KHDRBS2: variants seen among roughly 807,000 people sequenced by gnomAD.
KHDRBS2 encodes the protein KH domain-containing, RNA-binding, signal transduction-associated protein 2.
In KHDRBS2, 26 loss-of-function variants were observed where a neutral mutation model predicts 44.3. The observed-to-expected ratio is 0.59, with a 90% CI of 0.43 to 0.81. KHDRBS2 has a LOEUF of 0.81. KHDRBS2 is among the 40% of genes least tolerant of loss of function. KHDRBS2 has a pLI of 0.00. For missense variants in KHDRBS2, 476 were observed against 433.1 expected (o/e 1.10, Z -0.88); for synonymous variants, 194 against 151.1 (o/e 1.28, Z -2.08).
intron 1 of KHDRBS2, among the ~76,000 whole-genome samples, chr6:62,182,529 T>C (rs1361666116): frequency 2.0e-5 from 3 of 151,926 alleles, no homozygotes; most frequent in South Asian, 2.1e-4. Context: ...ATAATGACTA[T>C]GGTATTGGTT....
At chr6:61,603,111 C>T in the KHDRBS2 span, among the ~76,000 whole-genome samples, 3 of 152,156 alleles carry the variant, frequency 2.0e-5, no homozygotes. Context: ...CCACAGCATG[C>T]TTTAAAAGGA....
rs10806586 is a variant in KHDRBS2, at chr6:62,161,086, T to A, written c.219+16099A>T. ...TGTAATCACACAGTATTTCTCCTTT[T>A]ATGAATGGCATAATGTCCTCTTGGT... On this transcript the variant is annotated intron_variant, in intron 2 of 8. Transcript: ENST00000281156. Among the ~76,000 whole-genome samples the A allele has an allele frequency of 3.4e-3, 519 of 152,236 alleles. 1 individual carries two copies. Among genetic ancestry groups the A allele is most frequent in the Non-Finnish European group, 5.7e-3 (385 of 67,978 alleles).
At chr6:62,277,975 G>A (rs553517214) in intron 1 of KHDRBS2, among the ~76,000 whole-genome samples, 13 of 152,202 alleles carry the variant, frequency 8.5e-5, no homozygotes, top group Non-Finnish European at 1.8e-4. Flanking sequence ...AGAAGATGAG[G>A]AAGCCATATA....
intron 6 of KHDRBS2, among the ~76,000 whole-genome samples, chr6:61,818,506 T>C (rs765766166): frequency 4.7e-4 from 71 of 152,052 alleles, no homozygotes; most frequent in Non-Finnish European, 5.6e-4. Context: ...AGGATCCTGG[T>C]CTCTTCATAC....
At chr6:62,168,176 C>G (rs1192589606) in intron 2 of KHDRBS2, among the ~76,000 whole-genome samples, 4 of 152,072 alleles carry the variant, frequency 2.6e-5, no homozygotes, top group Non-Finnish European at 5.9e-5. Context: ...TGAAAACCAG[C>G]ACAGGGGAAT....
intron 6 of KHDRBS2, among the ~76,000 whole-genome samples, chr6:61,890,148 G>T: frequency 6.6e-6 from 1 of 152,222 alleles, no homozygotes; most frequent in South Asian, 2.1e-4. Context: ...CATTTGGTTT[G>T]ATTTGTTCAC....
intron 6 of KHDRBS2, among the ~76,000 whole-genome samples, chr6:61,807,418 C>A (rs1015346930): frequency 7.9e-5 from 12 of 152,068 alleles, no homozygotes; most frequent in African/African-American, 2.4e-4. Context: ...ATGGACTCAA[C>A]CTAAATGTCC....
intron 7 of KHDRBS2, among the ~76,000 whole-genome samples, chr6:61,709,044 C>G (rs750668228): frequency 6.6e-6 from 1 of 151,638 alleles, no homozygotes; most frequent in Non-Finnish European, 1.5e-5. Context: ...GTGATGTCTA[C>G]TTGAAGTATC....
At chr6:62,154,802 A>G (rs1405941038) in intron 2 of KHDRBS2, among the ~76,000 whole-genome samples, 1 of 152,206 alleles carries the variant, frequency 6.6e-6, no homozygotes, top group Non-Finnish European at 1.5e-5. Flanking sequence ...TTACACAATG[A>G]CACCAAAAGC....
At chr6:61,600,951 C>T in the KHDRBS2 span, among the ~76,000 whole-genome samples, 2 of 152,278 alleles carry the variant, frequency 1.3e-5, no homozygotes, top group South Asian at 2.1e-4. Flanking sequence ...AAAACTCCAG[C>T]GCCAGTCATG....
the KHDRBS2 span, among the ~76,000 whole-genome samples, chr6:61,608,227 T>C: frequency 6.6e-6 from 1 of 151,918 alleles, no homozygotes; most frequent in Non-Finnish European, 1.5e-5. Flanking sequence ...ACATTTCTGC[T>C]TGTTTTATAT....
intron 1 of KHDRBS2, among the ~76,000 whole-genome samples, chr6:62,264,638 G>A (rs1838894940): frequency 1.3e-5 from 2 of 151,592 alleles, no homozygotes; most frequent in Admixed American, 1.3e-4. Flanking sequence ...TATTATTATT[G>A]TGACATGCAA....
At chr6:62,220,655 T>C (rs1390622513) in intron 1 of KHDRBS2, among the ~76,000 whole-genome samples, 3 of 151,722 alleles carry the variant, frequency 2.0e-5, no homozygotes, top group Non-Finnish European at 4.4e-5. Context: ...AAATTACATA[T>C]TGTAATTTCT....
rs564892081 is a variant in KHDRBS2 at position 62,166,732 on chromosome 6, C to T, written c.219+10453G>A. On this transcript the variant is annotated intron_variant, in intron 2 of 8. Transcript: ENST00000281156. ...TCAAAATCAATAATAAAATGGAAATCCATTCCATTGATAATGCAATGTCTC... is the reference window on the plus strand; with the variant it reads ...TCAAAATCAATAATAAAATGGAAATTCATTCCATTGATAATGCAATGTCTC... Among the ~76,000 whole-genome samples, 15 of 152,126 alleles carry T rather than the reference C, an allele frequency of 9.9e-5. No individual in the cohort carries two copies. In the East Asian group the frequency reaches 2.7e-3, roughly 27 times the overall value.
At position 62,192,013 on chromosome 6, in the gene KHDRBS2, G is replaced by T. The variant is rs1003538037; in HGVS notation, c.92-14701C>A. ...ATCTCTTGTTACTTATATGTTAATG[G>T]TTAAGTATAATTTGGGTTATATTGT... On this transcript the variant is annotated intron_variant, in intron 1 of 8. Coordinates refer to ENST00000281156, the MANE Select transcript of KHDRBS2 (RefSeq NM_152688.4). 7.2e-5 allele frequency among the ~76,000 whole-genome samples: 11 copies of T among 151,960 alleles called. No homozygotes were observed. In the Middle Eastern group the frequency reaches 0.01, roughly 142 times the overall value.
At chr6:62,255,622 A>G (rs1209014477) in intron 1 of KHDRBS2, among the ~76,000 whole-genome samples, 2 of 101,402 alleles carry the variant, frequency 2.0e-5, no homozygotes, top group Non-Finnish European at 5.3e-5. Context: ...ACACACACAC[A>G]CACACACACA....
intron 1 of KHDRBS2, among the ~76,000 whole-genome samples, chr6:62,255,648 ACACACAC>A (rs1837274504): frequency 7.1e-6 from 1 of 140,116 alleles, no homozygotes; most frequent in Non-Finnish European, 1.6e-5. Context: ...ACACACACAC[ACACACAC>A]AATGTAGAAA....
chr6:62,007,986 A>C (rs1180559681), intron 3 of KHDRBS2, among the ~76,000 whole-genome samples: 1 of 152,164 alleles, frequency 6.6e-6, no homozygotes, highest in Non-Finnish European at 1.5e-5. Flanking sequence ...TAAAGATAAA[A>C]AATGATATAC....
At position 62,106,894 on chromosome 6, in the gene KHDRBS2, A is replaced by C. The variant is rs367679554; in HGVS notation, c.220-58900T>G. On this transcript the variant is annotated intron_variant, in intron 2 of 8. Coordinates refer to ENST00000281156, the MANE Select transcript of KHDRBS2 (RefSeq NM_152688.4). ...AAGGCCTTTGACAAAATTCAACAAC[A>C]CTTCATGCTAAAAACTCTCAATAAA... Among the ~76,000 whole-genome samples the C allele has an allele frequency of 1.2e-4, 18 of 151,004 alleles. No individual in the cohort carries two copies. The East Asian group carries it at 1.6e-3, about 13-fold the overall frequency.
Sources: allele counts gnomAD v4.1 joint callset (sites outside exome capture counted in the v4.1 genomes callset), GRCh38; gene constraint gnomAD v4.1.1; transcripts MANE v1.5; gene names NCBI Gene and HGNC (gene_info 2026-07-23, HGNC 2026-07-21).